Variants in EXOC6B observed in about 807,000 individuals in gnomAD.
EXOC6B encodes the protein exocyst complex component 6B.
In EXOC6B, 54 loss-of-function variants were observed where a neutral mutation model predicts 113.5. That is an observed-to-expected ratio of 0.48 (90% CI 0.38 to 0.60). The LOEUF (loss-of-function observed/expected upper bound fraction) is 0.60. Among genes scored for constraint, EXOC6B ranks in the 20% least tolerant of loss-of-function variants. The pLI, the probability that EXOC6B is intolerant of heterozygous loss-of-function variation, is 0.00. For synonymous variants in EXOC6B, 357 were observed against 339.0 expected, an observed-to-expected ratio of 1.05 and a Z score of -0.58; for missense variants, 797 against 977.5, an observed-to-expected ratio of 0.82 and a Z score of 2.46.
chr2:72,732,366 TGCCCAA>T (rs1209494166), intron 3 of EXOC6B, among the ~76,000 whole-genome samples: 2 of 152,084 alleles, frequency 1.3e-5, no homozygotes, highest in African/African-American at 4.8e-5. Context: ...CTCACTATGT[TGCCCAA>T]GCTGGTCTCA....
At chr2:72,385,391 A>G (rs1273501558) in intron 18 of EXOC6B, among the ~76,000 whole-genome samples, 1 of 152,078 alleles carries the variant, frequency 6.6e-6, no homozygotes, top group Non-Finnish European at 1.5e-5. Flanking sequence ...TAAGACCTGA[A>G]ACTATGAAAC....
At chr2:72,538,428 T>C (rs1276204782) in intron 8 of EXOC6B, among the ~76,000 whole-genome samples, 3 of 152,258 alleles carry the variant, frequency 2.0e-5, no homozygotes, top group Non-Finnish European at 4.4e-5. Context: ...CAGGTGATGC[T>C]AAATTTAATA....
intron 6 of EXOC6B, among the ~76,000 whole-genome samples, chr2:72,624,081 G>A (rs960661293): frequency 1.3e-5 from 2 of 152,026 alleles, no homozygotes; most frequent in African/African-American, 4.8e-5. Context: ...TAAAATAAAG[G>A]ATGAAGATAT....
At chr2:72,802,523 T>G (rs1452815745) in intron 1 of EXOC6B, among the ~76,000 whole-genome samples, 1 of 152,164 alleles carries the variant, frequency 6.6e-6, no homozygotes, top group Non-Finnish European at 1.5e-5. Flanking sequence ...TATAAATGCA[T>G]AGAAAACATT....
chr2:72,228,075 G>T (rs568843737), intron 20 of EXOC6B, among the ~76,000 whole-genome samples: 1 of 152,304 alleles, frequency 6.6e-6, no homozygotes, highest in Non-Finnish European at 1.5e-5. Context: ...TTGGAGTCAG[G>T]AAGTTCGGAT....
chr2:72,348,708 T>G (rs931304791), intron 19 of EXOC6B, among the ~76,000 whole-genome samples: 2 of 152,136 alleles, frequency 1.3e-5, no homozygotes, highest in South Asian at 2.1e-4. Flanking sequence ...GAGCTACAAC[T>G]GCAAATACTG....
At chr2:72,467,285 C>T (rs1698115078) in intron 17 of EXOC6B, among the ~76,000 whole-genome samples, 1 of 152,174 alleles carries the variant, frequency 6.6e-6, no homozygotes, top group Non-Finnish European at 1.5e-5. Flanking sequence ...GAAAATGTTA[C>T]AATGAACATA....
At chr2:72,341,840 G>A (rs1422581204) in intron 19 of EXOC6B, among the ~76,000 whole-genome samples, 3 of 152,040 alleles carry the variant, frequency 2.0e-5, no homozygotes, top group Admixed American at 6.6e-5. Context: ...GTCATATGTT[G>A]AGTCACAAAA....
intron 7 of EXOC6B, among the ~76,000 whole-genome samples, chr2:72,561,191 C>A (rs1244722627): frequency 1.3e-5 from 2 of 151,984 alleles, no homozygotes; most frequent in South Asian, 2.1e-4. Flanking sequence ...TGCCAAAAAA[C>A]CAGAGCCTAC....
intron 18 of EXOC6B, among the ~76,000 whole-genome samples, chr2:72,446,318 G>A (rs184103231): frequency 1.1e-4 from 17 of 151,644 alleles, no homozygotes; most frequent in South Asian, 2.1e-4. Context: ...GGTGGAGGCC[G>A]CGGTGAGCCA....
At chr2:72,214,114 G>T (rs556451716) in intron 20 of EXOC6B, among the ~76,000 whole-genome samples, 15 of 152,200 alleles carry the variant, frequency 9.9e-5, no homozygotes, top group African/African-American at 3.6e-4. Flanking sequence ...CATCATTTCT[G>T]TTCATATTGT....
intron 20 of EXOC6B, among the ~76,000 whole-genome samples, chr2:72,316,801 C>CA (rs980945037): frequency 2.6e-5 from 4 of 152,086 alleles, no homozygotes; most frequent in Admixed American, 2.6e-4. Flanking sequence ...AAGGGGCATA[C>CA]AAAATGTCAG....
At chr2:72,352,960 CA>C (rs1689750637) in intron 19 of EXOC6B, among the ~76,000 whole-genome samples, 1 of 151,646 alleles carries the variant, frequency 6.6e-6, no homozygotes, top group Non-Finnish European at 1.5e-5. Flanking sequence ...AAGTGAGGGC[CA>C]AAAAATATAT....
chr2:72,283,455 T>C (rs1007880997), intron 20 of EXOC6B, among the ~76,000 whole-genome samples: 4 of 152,114 alleles, frequency 2.6e-5, no homozygotes, highest in African/African-American at 9.7e-5. Context: ...GAAACCTCTA[T>C]GGGAACCAGT....
intron 6 of EXOC6B, among the ~76,000 whole-genome samples, chr2:72,668,313 G>A (rs997229249): frequency 1.3e-5 from 2 of 152,110 alleles, no homozygotes; most frequent in African/African-American, 4.8e-5. Flanking sequence ...TACACTATAG[G>A]TGGAAATGTA....
At chr2:72,323,921 C>T (rs929809288) in intron 20 of EXOC6B, among the ~76,000 whole-genome samples, 1 of 151,800 alleles carries the variant, frequency 6.6e-6, no homozygotes, top group South Asian at 2.1e-4. Context: ...CACCATGGCA[C>T]GTGTATACCT....
rs1558630492 is a variant in EXOC6B at position 72,401,538 on chromosome 2, T to TAC, written c.1981-21669_1981-21668insGT. ...ATACATATATACATATATATATATA[T>TAC]ATATATGTGTATATATATATATATA... On this transcript the variant is annotated intron_variant, in intron 18 of 21. Coordinates refer to ENST00000272427, the MANE Select transcript of EXOC6B (RefSeq NM_015189.3). Among the ~76,000 whole-genome samples, 4 of 28,000 alleles carry TAC rather than the reference T, an allele frequency of 1.4e-4. 1 individual carries two copies. In the African/African-American group the frequency reaches 3.1e-3, roughly 22 times the overall value. 18.4% of individuals were successfully genotyped at this position (28,000 alleles called of 152,430 possible). A position where few individuals can be genotyped will look rare whatever the true frequency, so the allele number is the denominator to read the frequency against.
rs141514102 is a variant in EXOC6B at position 72,451,654 on chromosome 2, C to CTGTGTGTGTGTGTG, written c.1980+13492_1980+13505dup. Reference sequence around the variant, plus strand: ...GAAAATTCACTTTTTGTCTTTGTGCCTGTGTGTGTGTGTGTGTGTGTGTGT... The same window carrying CTGTGTGTGTGTGTG: ...GAAAATTCACTTTTTGTCTTTGTGCCTGTGTGTGTGTGTGTGTGTGTGTGTGTGTGTGTGTGTGT... On this transcript the variant is annotated intron_variant, in intron 18 of 21. Transcript: ENST00000272427. 4.2e-3 allele frequency among the ~76,000 whole-genome samples: 603 copies of CTGTGTGTGTGTGTG among 142,580 alleles called. 5 individuals carry two copies. Among genetic ancestry groups the CTGTGTGTGTGTGTG allele is most frequent in the African/African-American group, 0.012 (459 of 38,536 alleles). The allele number at this position is 142,580 out of a possible 152,430, so 93.5% of individuals were successfully genotyped here.
At chr2:72,203,376 G>T (rs562958148) in intron 20 of EXOC6B, among the ~76,000 whole-genome samples, 2 of 152,068 alleles carry the variant, frequency 1.3e-5, no homozygotes, top group East Asian at 3.9e-4. Flanking sequence ...ATCTTTTTCT[G>T]TGCTTCTACC....
Sources: allele counts gnomAD v4.1 joint callset (sites outside exome capture counted in the v4.1 genomes callset), GRCh38; gene constraint gnomAD v4.1.1; transcripts MANE v1.5; gene names NCBI Gene and HGNC (gene_info 2026-07-23, HGNC 2026-07-21).